Variants in FGF1 observed in about 807,000 individuals in gnomAD.
FGF1 encodes the protein fibroblast growth factor 1.
Under a neutral mutation model 13.4 loss-of-function variants are expected in FGF1, and 9 were observed. That is an observed-to-expected ratio of 0.67 (90% CI 0.40 to 1.17). FGF1 has a LOEUF of 1.17. FGF1 is among the 50% of genes most tolerant of loss of function. The pLI is 0.01. For synonymous variants in FGF1, 93 were observed against 79.0 expected (o/e 1.18, Z -0.94); for missense variants, 156 against 192.7 (o/e 0.81, Z 1.13).
intron 1 of FGF1, among the ~76,000 whole-genome samples, chr5:142,661,887 C>T (rs967121817): frequency 2.6e-5 from 4 of 152,106 alleles, no homozygotes. Context: ...CCTGTAGTCT[C>T]AGCTACTTGG....
intron 1 of FGF1, among the ~76,000 whole-genome samples, chr5:142,674,322 G>A (rs1047829255): frequency 7.9e-5 from 12 of 152,300 alleles, no homozygotes; most frequent in Admixed American, 2.0e-4. Flanking sequence ...AGCATGGATC[G>A]TATCTGCTCT....
At chr5:142,606,698 C>T (rs1320825372) in intron 2 of FGF1, among the ~76,000 whole-genome samples, 1 of 152,060 alleles carries the variant, frequency 6.6e-6, no homozygotes, top group African/African-American at 2.4e-5. Flanking sequence ...AACTGTGCAC[C>T]AGATACTGAC....
intron 1 of FGF1, among the ~76,000 whole-genome samples, chr5:142,647,325 A>G (rs1185304557): frequency 6.6e-6 from 1 of 152,140 alleles, no homozygotes; most frequent in Non-Finnish European, 1.5e-5. Flanking sequence ...TACTTTCAAA[A>G]TTTGCTGCTC....
intron 1 of FGF1, among the ~76,000 whole-genome samples, chr5:142,642,070 T>C (rs900902077): frequency 6.6e-6 from 1 of 152,128 alleles, no homozygotes; most frequent in Non-Finnish European, 1.5e-5. Flanking sequence ...GAAAATCAAA[T>C]GAAGCATGGG....
At chr5:142,595,673 G>A (rs920920500) in intron 3 of FGF1, among the ~76,000 whole-genome samples, 189 bp from the exon 4 acceptor site, 9 of 152,122 alleles carry the variant, frequency 5.9e-5, no homozygotes, top group African/African-American at 1.4e-4. Flanking sequence ...GAACAGCACC[G>A]GGCACTAAAG....
intron 1 of FGF1, among the ~76,000 whole-genome samples, chr5:142,645,186 C>T (rs1765807203): frequency 6.6e-6 from 1 of 152,154 alleles, no homozygotes; most frequent in Non-Finnish European, 1.5e-5. Context: ...AATAAAAAAA[C>T]ATTTAGGTGG....
intron 2 of FGF1, among the ~76,000 whole-genome samples, chr5:142,610,424 C>A (rs1337656015): frequency 6.6e-6 from 1 of 152,104 alleles, no homozygotes; most frequent in Admixed American, 6.5e-5. Context: ...AGAATTATAA[C>A]CCTGAGGACA....
intron 1 of FGF1, among the ~76,000 whole-genome samples, chr5:142,616,736 T>A (rs898544515): frequency 1.3e-5 from 2 of 152,202 alleles, no homozygotes; most frequent in African/African-American, 4.8e-5. Flanking sequence ...CTGGATCCAC[T>A]TCTAATGTAA....
chr5:142,635,922 G>GT (rs1764174917), intron 1 of FGF1, among the ~76,000 whole-genome samples: 1 of 152,192 alleles, frequency 6.6e-6, no homozygotes, highest in Non-Finnish European at 1.5e-5. Flanking sequence ...ATCTACTCTT[G>GT]TTTTATTTAA....
intron 2 of FGF1, among the ~76,000 whole-genome samples, chr5:142,604,880 C>A (rs1757307778): frequency 6.6e-6 from 1 of 152,206 alleles, no homozygotes; most frequent in Admixed American, 6.5e-5. Context: ...CAGCGATACT[C>A]TCCTGCTTGG....
intron 1 of FGF1, among the ~76,000 whole-genome samples, chr5:142,666,227 C>T (rs13180148): frequency 1.2e-5 from 1 of 86,834 alleles, no homozygotes; most frequent in Non-Finnish European, 2.3e-5. Flanking sequence ...AGGACTTTTC[C>T]CTGGTTTCAT....
chr5:142,693,664 C>A (rs916101021), intron 2 of FGF1, among the ~76,000 whole-genome samples: 2 of 152,132 alleles, frequency 1.3e-5, no homozygotes, highest in East Asian at 3.8e-4. Flanking sequence ...AAAGAAACCC[C>A]ATATCCATTA....
intron 1 of FGF1, among the ~76,000 whole-genome samples, chr5:142,641,349 G>C (rs947235335): frequency 1.3e-5 from 2 of 151,882 alleles, no homozygotes; most frequent in Non-Finnish European, 2.9e-5. Flanking sequence ...TTCACTTAGG[G>C]TTTCTTTTCT....
In FGF1 at chr5:142,647,270, A is replaced by G. The variant is rs77427305; in HGVS notation, c.-34-33109T>C. Reference sequence around the variant, plus strand: ...AGACTGAAGTTAACCACTGGAACAAACCTTACCAACTAGCCCTCCTCTCTG... The same window carrying G: ...AGACTGAAGTTAACCACTGGAACAAGCCTTACCAACTAGCCCTCCTCTCTG... On this transcript the variant is annotated intron_variant, in intron 1 of 3. Coordinates refer to ENST00000337706, the MANE Select transcript of FGF1 (RefSeq NM_000800.5). Among the ~76,000 whole-genome samples the G allele has an allele frequency of 8.5e-3, 1,300 of 152,220 alleles. 20 individuals are homozygous for G. Among genetic ancestry groups the G allele is most frequent in the African/African-American group, 0.03 (1,232 of 41,532 alleles).
chr5:142,658,972 T>A (rs1361675234), intron 1 of FGF1, among the ~76,000 whole-genome samples: 3 of 152,062 alleles, frequency 2.0e-5, no homozygotes, highest in African/African-American at 7.2e-5. Flanking sequence ...AAGCATGCAC[T>A]CTGAGATGAG....
At chr5:142,656,791 A>G (rs1202718789) in intron 1 of FGF1, among the ~76,000 whole-genome samples, 2 of 152,232 alleles carry the variant, frequency 1.3e-5, no homozygotes, top group African/African-American at 4.8e-5. Context: ...TTAATTTAAA[A>G]ATCATATATC....
intron 1 of FGF1, among the ~76,000 whole-genome samples, chr5:142,639,824 C>T (rs1764869201): frequency 1.3e-5 from 2 of 151,964 alleles, no homozygotes; most frequent in South Asian, 4.1e-4. Flanking sequence ...CAAAACATCA[C>T]ATCATATTCC....
chr5:142,627,094 T>C (rs538135722), intron 1 of FGF1: 2 of 152,332 alleles, frequency 1.3e-5, no homozygotes, highest in East Asian at 1.9e-4. Flanking sequence ...ATTATCCTTG[T>C]TAATATGAAC....
intron 1 of FGF1, among the ~76,000 whole-genome samples, chr5:142,620,174 T>C (rs910804334): frequency 6.6e-6 from 1 of 152,090 alleles, no homozygotes; most frequent in African/African-American, 2.4e-5. Context: ...TCCCACCACT[T>C]TGGGAGGCCG....
Sources: allele counts gnomAD v4.1 joint callset (sites outside exome capture counted in the v4.1 genomes callset), GRCh38; gene constraint gnomAD v4.1.1; transcripts MANE v1.5; gene names NCBI Gene and HGNC (gene_info 2026-07-23, HGNC 2026-07-21).